PLIN5: variants seen among roughly 807,000 people sequenced by gnomAD.
PLIN5 encodes perilipin 5.
Under a neutral mutation model 32.8 loss-of-function variants are expected in PLIN5, and 34 were observed. The ratio of observed to expected loss-of-function variants is 1.04; its 90% CI spans 0.79 to 1.38. The LOEUF (loss-of-function observed/expected upper bound fraction) is 1.38. Among genes scored for constraint, PLIN5 ranks in the 40% most tolerant of loss-of-function variants. PLIN5 has a pLI of 0.00. For synonymous variants in PLIN5, 309 were observed against 292.9 expected, an observed-to-expected ratio of 1.05 and a Z score of -0.56; for missense variants, 712 against 660.5, an observed-to-expected ratio of 1.08 and a Z score of -0.85.
In PLIN5 at chr19:4,523,738, G is replaced by A. The variant is rs769735465; in HGVS notation, c.1182C>T (p.Asp394=). ...ERPEPLPDLA[D]LVDEVIGGPD... The stretch of plus-strand genomic sequence containing the variant: ...GGCCCCCGATGACCTCGTCCACCAG[G>A]TCCGCCAGGTCGGGCAGGGGCTCGG... Residue 394 remains aspartate, a synonymous_variant, in exon 8 of 8, where the codon GAC becomes GAT. Coordinates refer to ENST00000381848, the MANE Select transcript of PLIN5 (RefSeq NM_001013706.3). This position sits in a 1 kb window ranked among gnomAD's most constrained non-coding sequence, Gnocchi z 5.0. 3 of 1,601,056 alleles carry A rather than the reference G, an allele frequency of 1.9e-6. No individual in the cohort carries two copies. In the African/African-American group the frequency reaches 4.0e-5, roughly 21 times the overall value.
chr19:4,525,590 A>T lies in PLIN5; in HGVS notation c.720+43T>A. ...TTCAGCTGGTGCTCAATCCATACTG[A>T]TTGGCCTGCATCCCGGAGCAGGGGC... is the stretch of plus-strand genomic sequence containing the variant. On this transcript the variant is annotated intron_variant, in intron 6 of 7. Transcript: ENST00000381848. This position sits in a 1 kb window ranked among gnomAD's most constrained non-coding sequence, Gnocchi z 5.6. The T allele has an allele frequency of 6.2e-7, 1 of 1,602,896 alleles. No individual in the cohort carries two copies. The highest frequency in any genetic ancestry group is 2.2e-5 in the East Asian group (1 of 44,840).
intron 5 of PLIN5, among the ~76,000 whole-genome samples, chr19:4,527,107 G>C (rs1197421333): frequency 6.6e-6 from 1 of 151,110 alleles, no homozygotes; most frequent in African/African-American, 2.4e-5. Context: ...ATGGAGTCTC[G>C]CTCTGTTGCC....
intron 5 of PLIN5, chr19:4,528,808 A>G (rs1034474831): frequency 7.8e-6 from 3 of 386,788 alleles, no homozygotes; most frequent in African/African-American, 2.1e-5. Context: ...AACACGCTGC[A>G]CAGGCATTTG....
intron 5 of PLIN5, among the ~76,000 whole-genome samples, chr19:4,527,058 A>G (rs949097788): frequency 4.6e-5 from 7 of 151,564 alleles, no homozygotes; most frequent in African/African-American, 7.3e-5. Context: ...GTGACAGAAC[A>G]AGACCCCATC....
Position 4,525,716 on chromosome 19 carries a change from A to C in PLIN5, c.637T>G (p.Tyr213Asp). 6.2e-7 allele frequency: 1 copy of C among 1,613,760 alleles called. No individual in the cohort carries two copies. The highest frequency in any genetic ancestry group is 2.2e-5 in the East Asian group (1 of 44,878). Reference protein sequence around the residue: ...SLSARIRHLAYEHSVGKLRQS... With the variant: ...SLSARIRHLADEHSVGKLRQS... ...CTCAGTTTCCCCACAGAGTGCTCGTAGGCCAGGTGGCGGATCCGTGCTGAC... is the reference window on the plus strand; with the variant it reads ...CTCAGTTTCCCCACAGAGTGCTCGTCGGCCAGGTGGCGGATCCGTGCTGAC... The change falls in exon 6 of 8, where the codon TAC becomes GAC. Residue 213 changes from tyrosine (Y) to aspartate (D), a missense_variant. Tyr to Asp is a radical substitution (Grantham distance 160). Transcript: ENST00000381848. This position sits in a 1 kb window ranked among gnomAD's most constrained non-coding sequence, Gnocchi z 5.6.
At position 4,523,611 on chromosome 19, in the gene PLIN5, C is replaced by A. The variant is rs755684879; in HGVS notation, c.1309G>T (p.Val437Phe). The change falls in exon 8 of 8, where the codon GTT becomes TTT. Residue 437 changes from valine (V) to phenylalanine (F), a missense_variant. By Grantham distance (50) the Val-to-Phe change is conservative (BLOSUM62 -1). Coordinates refer to ENST00000381848, the MANE Select transcript of PLIN5 (RefSeq NM_001013706.3). The surrounding 1 kb of genome is among the most constrained non-coding windows in gnomAD (Gnocchi z 5.0). ...TCCTGCTCGCAGATGTCCCCGGCAA[C>A]ACCCATCCTGTCCCCATCCCCATTC... ...SGNGDGDRMG[V>F]AGDICEQEPE... 2.4e-5 allele frequency: 38 copies of A among 1,609,724 alleles called. No homozygotes were observed. In the African/African-American group the frequency reaches 4.8e-4, roughly 20 times the overall value.
At chr19:4,524,659 G>A (rs1976776658) in intron 7 of PLIN5, among the ~76,000 whole-genome samples, 1 of 152,084 alleles carries the variant, frequency 6.6e-6, no homozygotes, top group South Asian at 2.1e-4. Context: ...GGAAGCCAGG[G>A]ACTACTGCTT....
intron 3 of PLIN5, among the ~76,000 whole-genome samples, chr19:4,531,395 G>A (rs906215055): frequency 4.6e-5 from 7 of 151,756 alleles, no homozygotes; most frequent in African/African-American, 7.3e-5. Context: ...CTCCTTCCTC[G>A]GCCTCCCAAA....
chr19:4,534,141 A>G, intron 1 of PLIN5, 46 bp from the exon 2 acceptor site: 1 of 1,527,920 alleles, frequency 6.5e-7, no homozygotes, highest in Non-Finnish European at 8.9e-7. Context: ...CAGGCATCAG[A>G]TCCTGTCAAA....
At chr19:4,527,958 C>G (rs1976827954) in intron 5 of PLIN5, among the ~76,000 whole-genome samples, 2 of 151,126 alleles carry the variant, frequency 1.3e-5, no homozygotes, top group South Asian at 2.1e-4. Context: ...CACCCAGGCT[C>G]AAGTGCAGTG....
intron 5 of PLIN5, among the ~76,000 whole-genome samples, chr19:4,527,439 T>C (rs1365582987): frequency 6.9e-6 from 1 of 144,632 alleles, no homozygotes; most frequent in Non-Finnish European, 1.5e-5. Context: ...TCTAGGAGGA[T>C]GAGGCAGGAG....
rs201112241 is a variant in PLIN5 at position 4,523,682 on chromosome 19, G to A, written c.1238C>T (p.Pro413Leu). The change falls in exon 8 of 8, where the codon CCG becomes CTG. Residue 413 changes from proline to leucine, a missense_variant. Pro to Leu is a moderately conservative substitution (Grantham distance 98). Transcript: ENST00000381848. The surrounding 1 kb of genome is among the most constrained non-coding windows in gnomAD (Gnocchi z 5.0). The stretch of plus-strand genomic sequence containing the variant: ...TGCCTCCCAGGCTCTCTGCTGGGCC[G>A]GCCAGTCCAGGTGCGCCCAGCGGGG... Reference protein sequence around the residue: ...PDPRWAHLDWPAQQRAWEAEH... With the variant: ...PDPRWAHLDWLAQQRAWEAEH... 2,498 of 1,607,562 alleles carry A rather than the reference G, an allele frequency of 1.6e-3. 10 individuals carry two copies. The highest frequency in any genetic ancestry group is 1.5e-3 in the Non-Finnish European group (1,732 of 1,179,740).
chr19:4,529,263 A>AGGGC lies in PLIN5; in HGVS notation c.340-14_340-11dup. On this transcript the variant is annotated splice_polypyrimidine_tract_variant and intron_variant, in intron 4 of 7. Coordinates refer to ENST00000381848, the MANE Select transcript of PLIN5 (RefSeq NM_001013706.3). ...TGGCTGAGGTCACCACCTGGAAGGA[A>AGGGC]GGGCCCCCCCACTCCAGGCACCGTG... is the stretch of plus-strand genomic sequence containing the variant. 6.3e-7 allele frequency: 1 copy of AGGGC among 1,592,128 alleles called. No individual in the cohort carries two copies. Among genetic ancestry groups the AGGGC allele is most frequent in the Non-Finnish European group, 8.6e-7 (1 of 1,166,928 alleles).
At chr19:4,533,039 A>T (rs1201848325) in intron 2 of PLIN5, 4 of 150,994 alleles carry the variant, frequency 2.6e-5, no homozygotes, top group African/African-American at 9.8e-5. Flanking sequence ...GGTTCAAGAG[A>T]TTCTCCTGCC....
chr19:4,530,731 G>A (rs145284042), intron 3 of PLIN5, among the ~76,000 whole-genome samples: 2 of 152,262 alleles, frequency 1.3e-5, no homozygotes, highest in South Asian at 4.1e-4. Context: ...GGAGTGCAGT[G>A]GTGCGATCTC....
intron 5 of PLIN5, among the ~76,000 whole-genome samples, chr19:4,527,346 ACAGGCGTAAGC>A (rs954725592): frequency 5.3e-5 from 8 of 151,240 alleles, no homozygotes; most frequent in African/African-American, 1.7e-4. Flanking sequence ...TGCTGGGATT[ACAGGCGTAAGC>A]CACCGCGCCC....
At chr19:4,528,187 G>A (rs1443544289) in intron 5 of PLIN5, among the ~76,000 whole-genome samples, 1 of 151,676 alleles carries the variant, frequency 6.6e-6, no homozygotes, top group Non-Finnish European at 1.5e-5. Flanking sequence ...GGGATTACAG[G>A]CCTGAGCCAC....
intron 4 of PLIN5, 105 bp from the exon 5 acceptor site, chr19:4,529,358 TG>T (rs1976849314): frequency 4.7e-6 from 6 of 1,284,042 alleles, no homozygotes; most frequent in Non-Finnish European, 5.3e-6. Flanking sequence ...GACTTCTACC[TG>T]GCTCCGTGCC....
chr19:4,531,768 C>A lies in PLIN5; in HGVS notation c.115G>T (p.Val39Phe). The change falls in exon 3 of 8, where the codon GTC (valine) becomes TTC (phenylalanine). Residue 39 changes from valine (V) to phenylalanine (F), a missense_variant. Val to Phe is a conservative substitution (Grantham distance 50, BLOSUM62 -1). Coordinates refer to ENST00000381848, the MANE Select transcript of PLIN5 (RefSeq NM_001013706.3). The part of the protein sequence containing the change: ...LPLVRATCTA[V>F]CDVYSAAKDR... ...TTGGCTGCACTGTAAACATCGCAGA[C>A]CGCGGTGCACGTGGCCCTGACCAGG... The A allele has an allele frequency of 6.3e-7, 1 of 1,596,102 alleles. No homozygotes were observed. The highest frequency in any genetic ancestry group is 8.5e-7 in the Non-Finnish European group (1 of 1,173,460).
Sources: gnomAD v4.1 joint callset for allele counts (sites outside exome capture counted in the v4.1 genomes callset) on GRCh38, gnomAD v4.1.1 for gene constraint, Gnocchi (gnomAD v3.1) non-coding constraint, MANE v1.5 for transcripts, NCBI Gene and HGNC (gene_info 2026-07-23, HGNC 2026-07-21) for gene names.